Variants in XRCC4 observed in about 807,000 individuals in gnomAD.
The protein encoded by XRCC4 is DNA repair protein XRCC4.
A neutral mutation model predicts 39.1 loss-of-function variants in XRCC4; 28 were observed. The ratio of observed to expected loss-of-function variants is 0.72; its 90% CI spans 0.53 to 0.98. The LOEUF (loss-of-function observed/expected upper bound fraction) is 0.98. Among genes scored for constraint, XRCC4 ranks in the 50% least tolerant of loss-of-function variants. XRCC4 has a pLI of 0.00. For missense variants in XRCC4, 350 were observed against 376.4 expected, an observed-to-expected ratio of 0.93 and a Z score of 0.58; for synonymous variants, 123 against 126.4, an observed-to-expected ratio of 0.97 and a Z score of 0.18.
At chr5:83,107,180 CTTCA>C (rs1465667581) in intron 2 of XRCC4, among the ~76,000 whole-genome samples, 5 of 151,756 alleles carry the variant, frequency 3.3e-5, no homozygotes, top group Non-Finnish European at 7.4e-5. Flanking sequence ...TGTTTTATGC[CTTCA>C]TTCATTTCTG....
At chr5:83,344,156 ACACAC>A (rs1159670879) in intron 7 of XRCC4, among the ~76,000 whole-genome samples, 1 of 151,742 alleles carries the variant, frequency 6.6e-6, no homozygotes, top group Non-Finnish European at 1.5e-5. Context: ...ACACACACAC[ACACAC>A]TTCGTTGTTC....
chr5:83,330,255 C>T (rs1052894281), intron 7 of XRCC4, among the ~76,000 whole-genome samples: 13 of 151,956 alleles, frequency 8.6e-5, no homozygotes, highest in African/African-American at 3.1e-4. Flanking sequence ...CCCAGGAATT[C>T]ATACTATGCA....
intron 3 of XRCC4, among the ~76,000 whole-genome samples, chr5:83,176,578 T>C (rs1254243674): frequency 6.6e-6 from 1 of 152,120 alleles, no homozygotes; most frequent in African/African-American, 2.4e-5. Flanking sequence ...TGCAAAGATA[T>C]ATGTATTTAG....
intron 3 of XRCC4, among the ~76,000 whole-genome samples, chr5:83,140,955 A>C (rs1395301819): frequency 6.6e-6 from 1 of 152,192 alleles, no homozygotes; most frequent in Non-Finnish European, 1.5e-5. Flanking sequence ...CAACCCTTTT[A>C]TGTAGCCAAG....
chr5:83,226,005 G>A (rs1752275060), intron 6 of XRCC4, among the ~76,000 whole-genome samples: 1 of 151,970 alleles, frequency 6.6e-6, no homozygotes, highest in Non-Finnish European at 1.5e-5. Flanking sequence ...TTTAATGTGT[G>A]TCCGAAACCT....
chr5:83,300,271 TC>T (rs1408941061), intron 7 of XRCC4, among the ~76,000 whole-genome samples: 1 of 152,084 alleles, frequency 6.6e-6, no homozygotes, highest in Admixed American at 6.6e-5. Flanking sequence ...GCTTCCCAAG[TC>T]TGTAAAAATA....
chr5:83,167,790 C>G (rs1749550146), intron 3 of XRCC4, among the ~76,000 whole-genome samples: 1 of 152,128 alleles, frequency 6.6e-6, no homozygotes, highest in Admixed American at 6.5e-5. Flanking sequence ...AAAGCCTGCA[C>G]AGATGAGAAT....
intron 6 of XRCC4, among the ~76,000 whole-genome samples, chr5:83,257,599 T>C (rs956666793): frequency 1.3e-5 from 2 of 152,152 alleles, no homozygotes; most frequent in African/African-American, 4.8e-5. Flanking sequence ...GGAGTGTAAA[T>C]TAGTTCAATC....
intron 7 of XRCC4, among the ~76,000 whole-genome samples, chr5:83,332,270 AAGAGAGAG>A (rs149698378): frequency 2.3e-5 from 3 of 128,640 alleles, no homozygotes; most frequent in Non-Finnish European, 5.0e-5. Flanking sequence ...CACACACAGA[AAGAGAGAG>A]AGAGAGAGAA....
At chr5:83,267,176 G>C (rs1753985530) in intron 7 of XRCC4, among the ~76,000 whole-genome samples, 3 of 152,162 alleles carry the variant, frequency 2.0e-5, no homozygotes, top group Admixed American at 2.0e-4. Flanking sequence ...CCAGGAGGAA[G>C]TGTTCTTTGA....
chr5:83,232,820 G>T (rs1245776842), intron 6 of XRCC4, among the ~76,000 whole-genome samples: 1 of 152,094 alleles, frequency 6.6e-6, no homozygotes, highest in Non-Finnish European at 1.5e-5. Flanking sequence ...TGTGCAGCTA[G>T]TTGCTTTATA....
the XRCC4 span, among the ~76,000 whole-genome samples, chr5:83,371,805 T>G: frequency 1.3e-5 from 2 of 152,152 alleles, no homozygotes; most frequent in African/African-American, 4.8e-5. Context: ...GAAGAAATCC[T>G]TTGTAAGAAG....
At chr5:83,341,088 G>A (rs1468634859) in intron 7 of XRCC4, among the ~76,000 whole-genome samples, 1 of 152,018 alleles carries the variant, frequency 6.6e-6, no homozygotes, top group Non-Finnish European at 1.5e-5. Context: ...ATGGTGAAGA[G>A]ATTGTGAGAA....
intron 7 of XRCC4, among the ~76,000 whole-genome samples, chr5:83,328,961 AG>A (rs767121776): frequency 6.6e-6 from 1 of 152,054 alleles, no homozygotes; most frequent in African/African-American, 2.4e-5. Context: ...TTTCAGAGGT[AG>A]GGTCTCATTA....
intron 4 of XRCC4, among the ~76,000 whole-genome samples, chr5:83,200,857 T>C (rs1751159563): frequency 6.6e-6 from 1 of 152,204 alleles, no homozygotes; most frequent in Non-Finnish European, 1.5e-5. Flanking sequence ...TTGAAAATAT[T>C]ATAGGAAGAT....
chr5:83,132,526 C>T (rs577666466), intron 3 of XRCC4, among the ~76,000 whole-genome samples: 11 of 152,022 alleles, frequency 7.2e-5, no homozygotes, highest in South Asian at 4.2e-4. Flanking sequence ...ACCAATCAGA[C>T]GTAGGTTTGT....
chr5:83,258,426 A>G (rs147183689), intron 6 of XRCC4, 104 bp from the exon 7 acceptor site: 58 of 1,348,370 alleles, frequency 4.3e-5, no homozygotes, highest in Middle Eastern at 2.1e-4. Flanking sequence ...TAGTTTTGCT[A>G]TATTTTAATT....
chr5:83,142,806 AATT>A (rs1270415958), intron 3 of XRCC4, among the ~76,000 whole-genome samples: 5 of 152,188 alleles, frequency 3.3e-5, no homozygotes, highest in African/African-American at 9.7e-5. Flanking sequence ...ATTGTTTTAA[AATT>A]ATTAAGAGAT....
At chr5:83,134,827 C>T (rs1374554156) in intron 3 of XRCC4, among the ~76,000 whole-genome samples, 1 of 152,110 alleles carries the variant, frequency 6.6e-6, no homozygotes, top group Admixed American at 6.5e-5. Context: ...CTCCTGAAGC[C>T]AACAAGACCA....
Sources: allele counts gnomAD v4.1 joint callset (sites outside exome capture counted in the v4.1 genomes callset), GRCh38; gene constraint gnomAD v4.1.1; transcripts MANE v1.5; gene names NCBI Gene and HGNC (gene_info 2026-07-23, HGNC 2026-07-21).